DMRTA1: variants seen among roughly 807,000 people sequenced by gnomAD.
DMRTA1 encodes the protein DMRT like family A1.
Under a neutral mutation model 35.2 loss-of-function variants are expected in DMRTA1, and 34 were observed. The ratio of observed to expected loss-of-function variants is 0.97; its 90% CI spans 0.74 to 1.29. The LOEUF is 1.29. Among genes scored for constraint, DMRTA1 ranks in the 50% most tolerant of loss-of-function variants. The pLI, the probability that DMRTA1 is intolerant of heterozygous loss-of-function variation, is 0.00. For missense variants in DMRTA1, 824 were observed against 644.6 expected (o/e 1.28, Z -3.01); for synonymous variants, 344 against 276.6 (o/e 1.24, Z -2.42).
Position 22,447,490 on chromosome 9 carries a change from T to TGCGCAGGCAGCAG in DMRTA1, c.433_445dup (p.Glu149AlafsTer75), listed in dbSNP as rs771288515. ...CGCGTCATGGCCGCCCAGGTGGCGC[T>TGCGCAGGCAGCAG]GCGCAGGCAGCAGGCGCAGGAGGAG... is the stretch of plus-strand genomic sequence containing the variant. On this transcript the variant is annotated frameshift_variant, in exon 1 of 2. Transcript: ENST00000325870. LOFTEE classifies it high-confidence loss of function. The TGCGCAGGCAGCAG allele has an allele frequency of 1.9e-6, 3 of 1,561,380 alleles. No individual in the cohort carries two copies. The highest frequency in any genetic ancestry group is 3.7e-5 in the Admixed American group (2 of 53,804).
rs566493602 is a variant in DMRTA1, at chr9:22,452,679, A to G, written c.*768A>G. The G allele has an allele frequency of 6.6e-6, 1 of 152,266 alleles. No individual in the cohort carries two copies. The highest frequency in any genetic ancestry group is 2.4e-5 in the African/African-American group (1 of 41,572). 9.4% of individuals were successfully genotyped at this position (152,266 alleles called of 1,614,324 possible). ...GAATTAGAAACATTGATTCCGGAGA[A>G]TAACCATTTTTTTTTCAAATAGTCA... On this transcript the variant is annotated 3_prime_UTR_variant, in exon 2 of 2. Transcript: ENST00000325870.
chr9:22,451,118 C>G lies in DMRTA1; in HGVS notation c.722C>G (p.Ser241Cys), dbSNP rs150186157. Residue 241 changes from serine (S) to cysteine (C), a missense_variant, in exon 2 of 2, where the codon TCC becomes TGC. Coordinates refer to ENST00000325870, the MANE Select transcript of DMRTA1 (RefSeq NM_022160.3). ...SCQNGQEELI[S>C]KSHQLYLGSS... is the part of the protein sequence containing the mutation. ...CAGAATGGACAAGAAGAACTGATCT[C>G]CAAATCCCATCAGCTTTACCTAGGA... The G allele has an allele frequency of 6.4e-5, 103 of 1,613,756 alleles. No individual in the cohort carries two copies. The highest frequency in any genetic ancestry group is 8.3e-5 in the Non-Finnish European group (98 of 1,179,936).
rs1818940951 is a variant in DMRTA1, at chr9:22,452,070, G to A, written c.*159G>A. The A allele has an allele frequency of 5.5e-6, 4 of 731,350 alleles. No individual in the cohort carries two copies. Among genetic ancestry groups the A allele is most frequent in the East Asian group, 3.1e-5 (1 of 32,774 alleles). The allele number at this position is 731,350 out of a possible 1,614,324, so 45.3% of individuals were successfully genotyped here. ...TTTTTTTTTTCAAGCAATATAATAG[G>A]TCTTAGATCTGAAAACTCTTCATTA... On this transcript the variant is annotated 3_prime_UTR_variant, in exon 2 of 2. Coordinates refer to ENST00000325870, the MANE Select transcript of DMRTA1 (RefSeq NM_022160.3).
At chr9:22,448,871 T>A (rs901654573) in intron 1 of DMRTA1, among the ~76,000 whole-genome samples, 1 of 152,188 alleles carries the variant, frequency 6.6e-6, no homozygotes, top group East Asian at 1.9e-4. Flanking sequence ...CTAATTTATT[T>A]GAGTAGGCAA....
At chr9:22,448,412 A>G (rs542826390) in intron 1 of DMRTA1, among the ~76,000 whole-genome samples, 1 of 152,296 alleles carries the variant, frequency 6.6e-6, no homozygotes, top group South Asian at 2.1e-4. Flanking sequence ...CGCAAAATGT[A>G]ATTTGTAAAA....
In DMRTA1 at chr9:22,451,955, A is replaced by G. The variant is rs763418548; in HGVS notation, c.*44A>G. ...CTTTCTGGAGTTTTTCCAGCATACA[A>G]TACATGCACGTGCACACACATACAC... On this transcript the variant is annotated 3_prime_UTR_variant, in exon 2 of 2. Transcript: ENST00000325870. 1.4e-5 allele frequency: 22 copies of G among 1,602,838 alleles called. No homozygotes were observed. The highest frequency in any genetic ancestry group is 3.4e-5 in the Admixed American group (2 of 59,624).
In DMRTA1 at chr9:22,452,031, T is replaced by A; in HGVS notation, c.*120T>A. ...AGTATGTGAGTGGATTATGAGGTCT[T>A]AAAATGCTGGGTTTTTTTTTTTTCA... On this transcript the variant is annotated 3_prime_UTR_variant, in exon 2 of 2. Transcript: ENST00000325870. 1 of 1,255,268 alleles carries A rather than the reference T, an allele frequency of 8.0e-7. No homozygotes were observed. The highest frequency in any genetic ancestry group is 1.1e-6 in the Non-Finnish European group (1 of 945,020). The allele number at this position is 1,255,268 out of a possible 1,614,324, so 77.8% of individuals were successfully genotyped here. A position where few individuals can be genotyped will look rare whatever the true frequency, so the allele number is the denominator to read the frequency against.
At position 22,454,357 on chromosome 9, in the gene DMRTA1, C is replaced by T. The variant is rs1587671052; in HGVS notation, c.*2446C>T. On this transcript the variant is annotated 3_prime_UTR_variant, in exon 2 of 2. Transcript: ENST00000325870. ...AACCTATACACTAGATTTCCACTGA[C>T]TGAAAAAAAATAAAAGCAAGTATTA... 6.6e-6 allele frequency: 1 copy of T among 151,652 alleles called. No individual in the cohort carries two copies. Among genetic ancestry groups the T allele is most frequent in the African/African-American group, 2.4e-5 (1 of 41,388 alleles). The allele number at this position is 151,652 out of a possible 1,614,324, so 9.4% of individuals were successfully genotyped here.
rs756574588 is a variant in DMRTA1 at position 22,447,804 on chromosome 9, C to T, written c.667+72C>T. 3.2e-6 allele frequency: 5 copies of T among 1,572,872 alleles called. No individual in the cohort carries two copies. The African/African-American group carries it at 4.1e-5, about 13-fold the overall frequency. On this transcript the variant is annotated intron_variant, in intron 1 of 1. Transcript: ENST00000325870. ...GGAAAGAAACTCTGAAACAAGCCAC[C>T]GTGTCCATAGGCGGGCAGGAATAGT... is the stretch of plus-strand genomic sequence containing the variant.
At chr9:22,450,422 T>C (rs1004790396) in intron 1 of DMRTA1, among the ~76,000 whole-genome samples, 1 of 152,148 alleles carries the variant, frequency 6.6e-6, no homozygotes, top group Non-Finnish European at 1.5e-5. Context: ...AAATGAAATA[T>C]GCAAGCTCTA....
chr9:22,449,555 A>G (rs899813469), intron 1 of DMRTA1, among the ~76,000 whole-genome samples: 3 of 152,162 alleles, frequency 2.0e-5, no homozygotes, highest in Admixed American at 6.5e-5. Context: ...TAGAGATGAA[A>G]TGTTGATAAT....
In DMRTA1 at chr9:22,451,294, C is replaced by A; in HGVS notation, c.898C>A (p.Leu300Met). 2.5e-6 allele frequency: 4 copies of A among 1,614,104 alleles called. No individual in the cohort carries two copies. The highest frequency in any genetic ancestry group is 3.4e-6 in the Non-Finnish European group (4 of 1,179,970). ...TCCCAGGTCCTTATCATCCTCTGAT[C>A]TGGAATCAGGAAATGAAAGTGAATG... ...ESPRSLSSSD[L>M]ESGNESEWVK... The change falls in exon 2 of 2, where the codon CTG becomes ATG. Residue 300 changes from leucine to methionine, a missense_variant. Coordinates refer to ENST00000325870, the MANE Select transcript of DMRTA1 (RefSeq NM_022160.3).
In DMRTA1 at chr9:22,453,844, C is replaced by G. The variant is rs1235637360; in HGVS notation, c.*1933C>G. 1 of 151,814 alleles carries G rather than the reference C, an allele frequency of 6.6e-6. No individual in the cohort carries two copies. Among genetic ancestry groups the G allele is most frequent in the African/African-American group, 2.4e-5 (1 of 41,340 alleles). The allele number at this position is 151,814 out of a possible 1,614,324, so 9.4% of individuals were successfully genotyped here. A position where few individuals can be genotyped will look rare whatever the true frequency, so the allele number is the denominator to read the frequency against. On this transcript the variant is annotated 3_prime_UTR_variant, in exon 2 of 2. Transcript: ENST00000325870. ...GCTATTTTTCTGAAAAGTGCTAGATCCTGTAGAGGATACTGAATGTAAAAT... is the reference window on the plus strand; with the variant it reads ...GCTATTTTTCTGAAAAGTGCTAGATGCTGTAGAGGATACTGAATGTAAAAT...
At chr9:22,447,874 A>G (rs1587668519) in intron 1 of DMRTA1, 142 bp downstream of exon 1, 4 of 929,522 alleles carry the variant, frequency 4.3e-6, no homozygotes, top group Non-Finnish European at 6.5e-6. Context: ...GCTCAGCAAT[A>G]TGGACATTAA....
In DMRTA1 at chr9:22,447,549, T is replaced by C; in HGVS notation, c.484T>C (p.Ser162Pro). The C allele has an allele frequency of 6.3e-7, 1 of 1,590,442 alleles. No homozygotes were observed. ...CCGGGGGCTACAGAGGCTCCTGTGC[T>C]CGGGGCTCTCCTGGCCCCCCGGTGG... ...EARGLQRLLC[S>P]GLSWPPGGRA... is the part of the protein sequence containing the mutation. Residue 162 changes from serine to proline, a missense_variant, in exon 1 of 2, where the codon TCG becomes CCG. Transcript: ENST00000325870.
intron 1 of DMRTA1, among the ~76,000 whole-genome samples, chr9:22,448,782 G>A (rs1274926569): frequency 2.0e-5 from 3 of 152,256 alleles, no homozygotes; most frequent in Non-Finnish European, 2.9e-5. Flanking sequence ...CAGTACATTC[G>A]AAAAATTCTG....
At position 22,447,734 on chromosome 9, in the gene DMRTA1, T is replaced by G. The variant is rs1818861767; in HGVS notation, c.667+2T>G. 1 of 1,613,168 alleles carries G rather than the reference T, an allele frequency of 6.2e-7. No individual in the cohort carries two copies. Among genetic ancestry groups the G allele is most frequent in the South Asian group, 1.1e-5 (1 of 91,064 alleles). On this transcript the variant is annotated splice_donor_variant, in intron 1 of 1. Coordinates refer to ENST00000325870, the MANE Select transcript of DMRTA1 (RefSeq NM_022160.3). LOFTEE classifies it high-confidence loss of function. ...AAGATTATCCTGAGGAAAAACAAGG[T>G]GAGTTGGTCTTTGATTTACTCTTTG...
rs1369608397 is a variant in DMRTA1, at chr9:22,452,271, G to A, written c.*360G>A. On this transcript the variant is annotated 3_prime_UTR_variant, in exon 2 of 2. Transcript: ENST00000325870. ...TTTTAGTGATAAAATACATTTGTAA[G>A]TGTAAAGCAATACAGCATAATAGAA... The A allele has an allele frequency of 1.1e-5, 2 of 186,818 alleles. No homozygotes were observed. The highest frequency in any genetic ancestry group is 2.4e-5 in the African/African-American group (1 of 41,954). The allele number at this position is 186,818 out of a possible 1,614,324, so 11.6% of individuals were successfully genotyped here.
rs1365152818 is a variant in DMRTA1, at chr9:22,447,231, C to T, written c.166C>T (p.Arg56Ter). Residue 56 changes from arginine to a stop codon, truncating the protein, a stop_gained, in exon 1 of 2, where the codon CGA becomes TGA. Coordinates refer to ENST00000325870, the MANE Select transcript of DMRTA1 (RefSeq NM_022160.3). LOFTEE classifies it high-confidence loss of function. ...AFLRPPSLFL[R>*]AAAAAAAAAA... The stretch of plus-strand genomic sequence containing the variant: ...CCTGCGGCCGCCCAGCCTCTTTCTG[C>T]GAGCAGCGGCCGCGGCCGCCGCCGC... 3 of 1,536,864 alleles carry T rather than the reference C, an allele frequency of 2.0e-6. No individual in the cohort carries two copies. The highest frequency in any genetic ancestry group is 2.6e-5 in the East Asian group (1 of 38,356).
Sources: gnomAD v4.1 joint callset for allele counts (sites outside exome capture counted in the v4.1 genomes callset) on GRCh38, gnomAD v4.1.1 for gene constraint, MANE v1.5 for transcripts, NCBI Gene and HGNC (gene_info 2026-07-23, HGNC 2026-07-21) for gene names.